Variants in PROX1 observed in about 807,000 individuals in gnomAD.
PROX1 encodes prospero homeobox protein 1.
PROX1 carries 7 observed loss-of-function variants against 58.8 expected under a neutral mutation model. That is an observed-to-expected ratio of 0.12 (90% CI 0.07 to 0.22). The LOEUF is 0.22. Ranked by LOEUF, PROX1 falls within the 10% of genes least tolerant of loss-of-function variation. The pLI, the probability that PROX1 is intolerant of heterozygous loss-of-function variation, is 1.00. For synonymous variants in PROX1, 350 were observed against 358.3 expected (o/e 0.98, Z 0.26); for missense variants, 675 against 927.8 (o/e 0.73, Z 3.54).
upstream of PROX1, among the ~76,000 whole-genome samples, chr1:213,986,812 GC>G (rs1294677235): frequency 2.6e-5 from 4 of 152,216 alleles, no homozygotes; most frequent in Non-Finnish European, 5.9e-5. Context: ...GGACGTTCTA[GC>G]TGCGGCTGAG....
chr1:214,004,718 TTAG>T (rs1463451092), intron 2 of PROX1, among the ~76,000 whole-genome samples: 17 of 152,144 alleles, frequency 1.1e-4, no homozygotes, highest in Non-Finnish European at 2.4e-4. Context: ...TTCATGTACA[TTAG>T]TAGAATAATT....
chr1:214,012,662 T>C (rs1663954530), intron 4 of PROX1, among the ~76,000 whole-genome samples: 1 of 152,222 alleles, frequency 6.6e-6, no homozygotes, highest in Admixed American at 6.5e-5. Context: ...CTGAACTCCC[T>C]GATGATGAGA....
At chr1:213,987,698 T>C (rs528758534), upstream of PROX1, 1 of 14,832 alleles carries the variant, frequency 6.7e-5, no homozygotes, top group East Asian at 1.8e-3. Flanking sequence ...CCCGAAGCTG[T>C]GGCAGGGTGG....
Position 214,023,337 on chromosome 1 carries a change from G to GT in PROX1, c.2028+11633dup, listed in dbSNP as rs985441790. On this transcript the variant is annotated intron_variant, in intron 4 of 4. Transcript: ENST00000366958. Reference sequence around the variant, plus strand: ...TCTCTTTCAGAGCAGAATTGGCTATGTTTTTTTTTTTATTCTTTTATTTTT... The same window carrying GT: ...TCTCTTTCAGAGCAGAATTGGCTATGTTTTTTTTTTTTATTCTTTTATTTTT... Among the ~76,000 whole-genome samples the GT allele has an allele frequency of 1.4e-3, 211 of 146,808 alleles. 3 individuals are homozygous for GT. Among genetic ancestry groups the GT allele is most frequent in the Admixed American group, 6.2e-3 (91 of 14,664 alleles).
At chr1:214,006,912 A>G (rs1663734496) in intron 3 of PROX1, among the ~76,000 whole-genome samples, 1 of 152,206 alleles carries the variant, frequency 6.6e-6, no homozygotes, top group African/African-American at 2.4e-5. Context: ...TAGGCCAAAG[A>G]GCTTTACCAA....
chr1:214,014,077 A>T (rs1664011010), intron 4 of PROX1, among the ~76,000 whole-genome samples: 1 of 152,192 alleles, frequency 6.6e-6, no homozygotes, highest in African/African-American at 2.4e-5. Flanking sequence ...CAAAAGTTTC[A>T]GATAAGGTGA....
chr1:214,037,197 G>C lies in PROX1; in HGVS notation c.*1363G>C, dbSNP rs530836036. On this transcript the variant is annotated 3_prime_UTR_variant, in exon 5 of 5. Coordinates refer to ENST00000366958, the MANE Select transcript of PROX1 (RefSeq NM_001270616.2). ...CAATGATGTACAGTGTTCCCTACTT[G>C]CATTGAAAAAACTCGTATGGCATTC... is the stretch of plus-strand genomic sequence containing the variant. 2 of 151,860 alleles carry C rather than the reference G, an allele frequency of 1.3e-5. No individual in the cohort carries two copies. Among genetic ancestry groups the C allele is most frequent in the Non-Finnish European group, 2.9e-5 (2 of 67,974 alleles). 9.4% of individuals were successfully genotyped at this position (151,860 alleles called of 1,614,324 possible).
At chr1:213,992,676 G>A (rs1663078814) in intron 1 of PROX1, among the ~76,000 whole-genome samples, 1 of 152,016 alleles carries the variant, frequency 6.6e-6, no homozygotes, top group Non-Finnish European at 1.5e-5. Flanking sequence ...AATAATCCAA[G>A]CAGGAAACCA....
chr1:214,007,855 T>C (rs903745910), intron 3 of PROX1, among the ~76,000 whole-genome samples: 1 of 152,100 alleles, frequency 6.6e-6, no homozygotes, highest in Non-Finnish European at 1.5e-5. Context: ...ACTAGAGAAA[T>C]TGGGGAAGAG....
At chr1:214,009,006 T>A (rs1161202355) in intron 3 of PROX1, among the ~76,000 whole-genome samples, 1 of 152,208 alleles carries the variant, frequency 6.6e-6, no homozygotes, top group Non-Finnish European at 1.5e-5. Context: ...ATGTACAAAC[T>A]AATAACTCTT....
upstream of PROX1, chr1:213,983,157 G>A (rs1366385679): frequency 6.6e-6 from 1 of 152,262 alleles, no homozygotes; most frequent in Non-Finnish European, 1.5e-5. Context: ...CCGCGGGCGA[G>A]GAAGCCCCGC....
chr1:214,021,089 G>A (rs1283300385), intron 4 of PROX1, among the ~76,000 whole-genome samples: 14 of 152,218 alleles, frequency 9.2e-5, no homozygotes, highest in Admixed American at 9.2e-4. Flanking sequence ...GCCCTGTGCA[G>A]GGAGCATATT....
chr1:214,033,857 T>C (rs763249431), intron 4 of PROX1, among the ~76,000 whole-genome samples: 4 of 152,158 alleles, frequency 2.6e-5, no homozygotes, highest in Non-Finnish European at 5.9e-5. Context: ...CAAATACTCA[T>C]GTATACAAGA....
intron 1 of PROX1, among the ~76,000 whole-genome samples, chr1:213,994,992 C>G (rs773127585): frequency 8.6e-5 from 13 of 151,588 alleles, no homozygotes; most frequent in Non-Finnish European, 1.6e-4. Flanking sequence ...TGAAATTATG[C>G]CTATTTGCAT....
chr1:213,992,134 G>A (rs1269285030), intron 1 of PROX1, among the ~76,000 whole-genome samples: 1 of 152,084 alleles, frequency 6.6e-6, no homozygotes, highest in African/African-American at 2.4e-5. Flanking sequence ...AATATTTTAG[G>A]CATGTCTCAG....
At chr1:213,991,501 A>G (rs781424846) in intron 1 of PROX1, among the ~76,000 whole-genome samples, 1 of 152,122 alleles carries the variant, frequency 6.6e-6, no homozygotes, top group Non-Finnish European at 1.5e-5. Context: ...ATCTATGCCT[A>G]TGTTCATTTG....
At chr1:213,989,237 A>C (rs1259355960) in intron 1 of PROX1, among the ~76,000 whole-genome samples, 1 of 151,782 alleles carries the variant, frequency 6.6e-6, no homozygotes, top group African/African-American at 2.4e-5. Context: ...GGGAGCGGTG[A>C]TGGGTCCCGG....
rs751328404 is a variant in PROX1, at chr1:214,035,702, T to C, written c.2082T>C (p.Asn694=). ...VAQITLREFF[N]AIIAGKDVDP... ...AGATCACATTACGGGAGTTTTTCAA[T>C]GCCATTATCGCAGGCAAAGATGTTG... is the stretch of plus-strand genomic sequence containing the variant. The change falls in exon 5 of 5, where the codon AAT becomes AAC. Residue 694 remains asparagine, a synonymous_variant. Coordinates refer to ENST00000366958, the MANE Select transcript of PROX1 (RefSeq NM_001270616.2). 1.9e-6 allele frequency: 3 copies of C among 1,614,022 alleles called. No individual in the cohort carries two copies. The highest frequency in any genetic ancestry group is 2.5e-6 in the Non-Finnish European group (3 of 1,179,940).
At chr1:214,013,869 A>C (rs979411102) in intron 4 of PROX1, among the ~76,000 whole-genome samples, 3 of 152,034 alleles carry the variant, frequency 2.0e-5, no homozygotes, top group Admixed American at 2.0e-4. Flanking sequence ...GTGACTTCGG[A>C]CAGTTATTGG....
Sources: allele counts gnomAD v4.1 joint callset (sites outside exome capture counted in the v4.1 genomes callset), GRCh38; gene constraint gnomAD v4.1.1; transcripts MANE v1.5; gene names NCBI Gene and HGNC (gene_info 2026-07-23, HGNC 2026-07-21).